Variants in GRIK4 observed in about 807,000 individuals in gnomAD.
The protein encoded by GRIK4 is glutamate ionotropic receptor kainate type subunit 4.
A neutral mutation model predicts 104.9 loss-of-function variants in GRIK4; 40 were observed. The observed-to-expected ratio is 0.38, with a 90% CI of 0.30 to 0.50. GRIK4 has a LOEUF of 0.50. Among genes scored for constraint, GRIK4 ranks in the 20% least tolerant of loss-of-function variants. GRIK4 has a pLI of 0.93. For synonymous variants in GRIK4, 485 were observed against 524.9 expected (o/e 0.92, Z 1.04); for missense variants, 1,047 against 1,308.1 (o/e 0.80, Z 3.08).
At chr11:120,978,947 G>T (rs527895187) in intron 19 of GRIK4, among the ~76,000 whole-genome samples, 1 of 152,198 alleles carries the variant, frequency 6.6e-6, no homozygotes, top group Non-Finnish European at 1.5e-5. Context: ...CATTAGGCTC[G>T]AAACAAAATG....
intron 3 of GRIK4, among the ~76,000 whole-genome samples, chr11:120,683,798 A>G (rs1950234310): frequency 6.6e-6 from 1 of 152,246 alleles, no homozygotes; most frequent in South Asian, 2.1e-4. Flanking sequence ...TAGGGGGCAT[A>G]TTGGTCAATG....
intron 3 of GRIK4, among the ~76,000 whole-genome samples, chr11:120,670,498 C>T (rs1949996502): frequency 6.6e-6 from 1 of 152,230 alleles, no homozygotes; most frequent in Non-Finnish European, 1.5e-5. Flanking sequence ...CCCAGCTCCA[C>T]CAGCTTCTTT....
chr11:120,661,701 G>A (rs1044370083), intron 3 of GRIK4, among the ~76,000 whole-genome samples: 1 of 152,170 alleles, frequency 6.6e-6, no homozygotes, highest in African/African-American at 2.4e-5. Context: ...GCAGGTCTGT[G>A]AGCTGCTTCG....
chr11:120,545,264 C>T (rs558361222), intron 1 of GRIK4, among the ~76,000 whole-genome samples: 5 of 152,192 alleles, frequency 3.3e-5, no homozygotes, highest in East Asian at 3.9e-4. Context: ...TATCTCTAGT[C>T]GTTAAGGGTG....
intron 13 of GRIK4, among the ~76,000 whole-genome samples, chr11:120,913,116 A>G (rs966785982): frequency 2.0e-5 from 3 of 152,248 alleles, no homozygotes; most frequent in African/African-American, 7.2e-5. Flanking sequence ...TTTTAGAGCT[A>G]AGCAAACTGA....
intron 3 of GRIK4, among the ~76,000 whole-genome samples, chr11:120,721,768 T>TCAGAAAA (rs2135376770): frequency 6.6e-6 from 1 of 152,228 alleles, no homozygotes; most frequent in South Asian, 2.1e-4. Context: ...GAAAATGCCC[T>TCAGAAAA]TGTGTACCTA....
chr11:120,958,655 C>A (rs1479734524), intron 16 of GRIK4, among the ~76,000 whole-genome samples: 1 of 152,236 alleles, frequency 6.6e-6, no homozygotes, highest in Non-Finnish European at 1.5e-5. Flanking sequence ...CCTCCGGAAG[C>A]GGGCATCATT....
intron 3 of GRIK4, among the ~76,000 whole-genome samples, chr11:120,694,722 T>C (rs934767685): frequency 1.3e-5 from 2 of 152,114 alleles, no homozygotes; most frequent in Non-Finnish European, 2.9e-5. Flanking sequence ...GCAGCAGAGC[T>C]CCAGGGGGCC....
chr11:120,768,313 A>G (rs1487092673), intron 3 of GRIK4, among the ~76,000 whole-genome samples: 1 of 151,768 alleles, frequency 6.6e-6, no homozygotes, highest in African/African-American at 2.4e-5. Flanking sequence ...TGATGCTATC[A>G]ATTTTTGTGG....
At chr11:120,542,537 A>G (rs371714481) in intron 1 of GRIK4, among the ~76,000 whole-genome samples, 5 of 152,254 alleles carry the variant, frequency 3.3e-5, no homozygotes, top group African/African-American at 1.2e-4. Flanking sequence ...ATGGGAGAAA[A>G]TATTTGCAAG....
intron 1 of GRIK4, among the ~76,000 whole-genome samples, chr11:120,518,754 A>G (rs756814678): frequency 9.2e-5 from 14 of 152,110 alleles, no homozygotes; most frequent in Non-Finnish European, 1.6e-4. Context: ...GAGTAGCTGG[A>G]ATTACAGGTG....
intron 3 of GRIK4, among the ~76,000 whole-genome samples, chr11:120,706,578 T>C (rs1950633162): frequency 6.6e-6 from 1 of 152,160 alleles, no homozygotes; most frequent in Non-Finnish European, 1.5e-5. Context: ...GTGGGTGGTA[T>C]GCTCTGACAT....
At chr11:120,735,921 C>A (rs1951213760) in intron 3 of GRIK4, among the ~76,000 whole-genome samples, 1 of 152,168 alleles carries the variant, frequency 6.6e-6, no homozygotes, top group South Asian at 2.1e-4. Flanking sequence ...GGGACACAAT[C>A]CTAGGGCCAG....
intron 1 of GRIK4, among the ~76,000 whole-genome samples, chr11:120,552,641 G>T (rs1948150614): frequency 6.6e-6 from 1 of 152,184 alleles, no homozygotes; most frequent in Non-Finnish European, 1.5e-5. Flanking sequence ...TCAGTCGCTG[G>T]TGCAGGCATG....
chr11:120,847,130 G>A (rs543081692), intron 8 of GRIK4, among the ~76,000 whole-genome samples: 12 of 152,334 alleles, frequency 7.9e-5, no homozygotes, highest in South Asian at 2.1e-4. Context: ...ATTGTTGAGA[G>A]CATCTAACTA....
chr11:120,535,163 A>C (rs1947960027), intron 1 of GRIK4, among the ~76,000 whole-genome samples: 1 of 151,632 alleles, frequency 6.6e-6, no homozygotes. Context: ...TGTACGGCCC[A>C]CTCTTGTGAG....
intron 6 of GRIK4, among the ~76,000 whole-genome samples, chr11:120,824,764 G>A (rs371084465): frequency 6.6e-6 from 1 of 151,836 alleles, no homozygotes; most frequent in African/African-American, 2.4e-5. Context: ...TGGCCAGGCT[G>A]GTCTCGAACC....
chr11:120,646,601 T>C (rs958644727), intron 1 of GRIK4, among the ~76,000 whole-genome samples: 1 of 152,218 alleles, frequency 6.6e-6, no homozygotes, highest in Non-Finnish European at 1.5e-5. Context: ...AGGTTCACTT[T>C]TATTAATTAA....
chr11:120,923,607 GT>G (rs1403871006), intron 13 of GRIK4, among the ~76,000 whole-genome samples: 1 of 151,908 alleles, frequency 6.6e-6, no homozygotes, highest in African/African-American at 2.4e-5. Context: ...TAGAGACGGG[GT>G]TTCACCCTGT....
Sources: allele counts gnomAD v4.1 joint callset (sites outside exome capture counted in the v4.1 genomes callset), GRCh38; gene constraint gnomAD v4.1.1; transcripts MANE v1.5; gene names NCBI Gene and HGNC (gene_info 2026-07-23, HGNC 2026-07-21).